SHROOM3: variants seen among roughly 807,000 people sequenced by gnomAD.
SHROOM3 encodes protein Shroom3.
In SHROOM3, 47 loss-of-function variants were observed where a neutral mutation model predicts 138.6. The ratio of observed to expected loss-of-function variants is 0.34; its 90% CI spans 0.27 to 0.43. SHROOM3 has a LOEUF of 0.43. Among genes scored for constraint, SHROOM3 ranks in the 20% least tolerant of loss-of-function variants. SHROOM3 has a pLI of 1.00. For synonymous variants in SHROOM3, 1,062 were observed against 1,063.3 expected (o/e 1.00, Z 0.02); for missense variants, 2,491 against 2,596.5 (o/e 0.96, Z 0.88).
chr4:76,607,428 T>G (rs1029778041), intron 2 of SHROOM3, among the ~76,000 whole-genome samples: 2 of 152,232 alleles, frequency 1.3e-5, no homozygotes, highest in Non-Finnish European at 2.9e-5. Flanking sequence ...TTGAAAAGAT[T>G]CCCAGACGTG....
chr4:76,491,969 C>T (rs916034359), intron 1 of SHROOM3, among the ~76,000 whole-genome samples: 31 of 152,280 alleles, frequency 2.0e-4, no homozygotes, highest in Admixed American at 4.6e-4. Context: ...AGAGAGAATG[C>T]ACTTTGGATA....
At chr4:76,640,243 A>C (rs1252743679) in intron 2 of SHROOM3, among the ~76,000 whole-genome samples, 1 of 152,210 alleles carries the variant, frequency 6.6e-6, no homozygotes, top group Non-Finnish European at 1.5e-5. Context: ...TGTAATCTGC[A>C]AAGATTTCTG....
At chr4:76,454,451 A>G (rs1163637905) in intron 1 of SHROOM3, among the ~76,000 whole-genome samples, 2 of 152,224 alleles carry the variant, frequency 1.3e-5, no homozygotes, top group Non-Finnish European at 2.9e-5. Flanking sequence ...GCACTCTTGT[A>G]GAAAATTATT....
chr4:76,720,330 G>C (rs1403312822), intron 3 of SHROOM3, among the ~76,000 whole-genome samples: 1 of 151,854 alleles, frequency 6.6e-6, no homozygotes, highest in Non-Finnish European at 1.5e-5. Flanking sequence ...TGTTTTGAAA[G>C]ATTCTTGTTT....
At chr4:76,733,533 A>G (rs1224787014) in intron 4 of SHROOM3, among the ~76,000 whole-genome samples, 1 of 152,184 alleles carries the variant, frequency 6.6e-6, no homozygotes, top group Non-Finnish European at 1.5e-5. Context: ...GTGCAGCACA[A>G]ACAAACCATG....
At chr4:76,603,335 T>C (rs909955987) in intron 2 of SHROOM3, among the ~76,000 whole-genome samples, 2 of 152,056 alleles carry the variant, frequency 1.3e-5, no homozygotes, top group Non-Finnish European at 2.9e-5. Context: ...GGAGAATCAC[T>C]TGAACCCGGG....
chr4:76,759,419 T>A (rs779119036), intron 8 of SHROOM3, 126 bp from the exon 9 acceptor site: 15 of 1,295,400 alleles, frequency 1.2e-5, no homozygotes, highest in Non-Finnish European at 1.4e-5. Flanking sequence ...GTTACTAGTT[T>A]ATCCTAATTT....
At chr4:76,518,512 TTTCC>T (rs71212428) in intron 1 of SHROOM3, among the ~76,000 whole-genome samples, 5 of 147,408 alleles carry the variant, frequency 3.4e-5, no homozygotes, top group Non-Finnish European at 7.5e-5. Context: ...TCCTTCCTTC[TTTCC>T]TTCCTTCCTA....
intron 2 of SHROOM3, among the ~76,000 whole-genome samples, chr4:76,683,791 T>C (rs527322238): frequency 6.6e-6 from 1 of 152,196 alleles, no homozygotes; most frequent in Non-Finnish European, 1.5e-5. Flanking sequence ...TTTTTAAAGT[T>C]ATTAAAATGT....
chr4:76,622,005 A>G (rs544422045), intron 2 of SHROOM3, among the ~76,000 whole-genome samples: 46 of 151,786 alleles, frequency 3.0e-4, no homozygotes, highest in African/African-American at 1.0e-3. Flanking sequence ...TAATTTTTAT[A>G]TTTTTAGTAG....
chr4:76,564,150 T>C (rs1733652266), intron 2 of SHROOM3, among the ~76,000 whole-genome samples: 1 of 152,242 alleles, frequency 6.6e-6, no homozygotes, highest in East Asian at 1.9e-4. Context: ...TCATCTGCTC[T>C]TTGAAGTTCT....
At chr4:76,439,682 C>G (rs908030522) in intron 1 of SHROOM3, among the ~76,000 whole-genome samples, 1 of 152,164 alleles carries the variant, frequency 6.6e-6, no homozygotes, top group African/African-American at 2.4e-5. Flanking sequence ...AGGGATAGTA[C>G]ACATTGAGTC....
At chr4:76,673,714 C>G (rs1313411772) in intron 2 of SHROOM3, among the ~76,000 whole-genome samples, 1 of 152,082 alleles carries the variant, frequency 6.6e-6, no homozygotes, top group Non-Finnish European at 1.5e-5. Context: ...ATAAAATTTA[C>G]CACCTTCACC....
chr4:76,479,033 T>G (rs1406619405), intron 1 of SHROOM3, among the ~76,000 whole-genome samples: 1 of 151,792 alleles, frequency 6.6e-6, no homozygotes, highest in South Asian at 2.1e-4. Context: ...AAAAAACAGC[T>G]CGAAAAGGCT....
At chr4:76,661,176 T>C (rs1337020946) in intron 2 of SHROOM3, among the ~76,000 whole-genome samples, 1 of 152,114 alleles carries the variant, frequency 6.6e-6, no homozygotes, top group African/African-American at 2.4e-5. Context: ...GTTCCATGAA[T>C]CCTGACAAAT....
At chr4:76,471,223 A>T (rs1440087229) in intron 1 of SHROOM3, among the ~76,000 whole-genome samples, 1 of 151,410 alleles carries the variant, frequency 6.6e-6, no homozygotes, top group Non-Finnish European at 1.5e-5. Context: ...GCTTATAAAG[A>T]CTAGTTTGTT....
intron 2 of SHROOM3, chr4:76,644,261 T>C (rs900995940): frequency 4.6e-5 from 7 of 151,796 alleles, no homozygotes; most frequent in Admixed American, 1.3e-4. Context: ...TTTTCTTTTT[T>C]TTTTTTTTGG....
intron 2 of SHROOM3, among the ~76,000 whole-genome samples, chr4:76,601,543 C>T (rs547913593): frequency 7.2e-5 from 11 of 152,142 alleles, no homozygotes; most frequent in African/African-American, 2.2e-4. Context: ...ATTTATTTAT[C>T]GTCCAGGCTG....
chr4:76,643,416 CAG>C (rs929534371), intron 2 of SHROOM3, among the ~76,000 whole-genome samples: 2 of 152,164 alleles, frequency 1.3e-5, no homozygotes, highest in African/African-American at 4.8e-5. Context: ...AGTTATAAGA[CAG>C]AGAGACAGGA....
Sources: gnomAD v4.1 joint callset for allele counts (sites outside exome capture counted in the v4.1 genomes callset) on GRCh38, gnomAD v4.1.1 for gene constraint, MANE v1.5 for transcripts, NCBI Gene and HGNC (gene_info 2026-07-23, HGNC 2026-07-21) for gene names.